PDE6B: variants seen among roughly 807,000 people sequenced by gnomAD.
PDE6B encodes phosphodiesterase 6B.
PDE6B carries 106 observed loss-of-function variants against 109.0 expected under a neutral mutation model. The observed-to-expected ratio is 0.97, with a 90% CI of 0.83 to 1.14. PDE6B has a LOEUF of 1.14. Among genes scored for constraint, PDE6B ranks in the 50% most tolerant of loss-of-function variants. PDE6B has a pLI of 0.00. For synonymous variants in PDE6B, 490 were observed against 471.3 expected (o/e 1.04, Z -0.51); for missense variants, 1,193 against 1,155.6 (o/e 1.03, Z -0.47).
intron 1 of PDE6B, among the ~76,000 whole-genome samples, chr4:631,803 C>G (rs116624466): frequency 1.9e-3 from 278 of 146,536 alleles, no homozygotes; most frequent in African/African-American, 6.8e-3. Flanking sequence ...GTGGGACCAT[C>G]AAAGGGTCAT....
rs745384266 is a variant in PDE6B, at chr4:659,032, C to A, written c.1467+15C>A. On this transcript the variant is annotated intron_variant, in intron 11 of 21. Transcript: ENST00000496514. ...GCGAAATCCTGGTAAGAACCTTGCT[C>A]CCGTCCCTCCCATGGAGGCCGGCCA... 25 of 1,604,920 alleles carry A rather than the reference C, an allele frequency of 1.6e-5. No homozygotes were observed. Among genetic ancestry groups the A allele is most frequent in the Middle Eastern group, 1.7e-4 (1 of 6,046 alleles).
At chr4:634,503 G>A (rs150586182) in intron 1 of PDE6B, among the ~76,000 whole-genome samples, 174 bp from the exon 2 acceptor site, 205 of 152,282 alleles carry the variant, frequency 1.3e-3, no homozygotes, top group Middle Eastern at 3.4e-3. Flanking sequence ...GGAGCCACAG[G>A]GACAGGCCCA....
Position 663,561 on chromosome 4 carries a change from G to A in PDE6B, c.1921-209G>A, listed in dbSNP as rs898910333. On this transcript the variant is annotated intron_variant, in intron 15 of 21. Coordinates refer to ENST00000496514, the MANE Select transcript of PDE6B (RefSeq NM_000283.4). The surrounding 1 kb of genome is among the most constrained non-coding windows in gnomAD (Gnocchi z 4.0). ...CCGGTGGTGACCTCTGAGGCCATCT[G>A]CGTCCCAAGCCGACGATGGAGCCGC... Among the ~76,000 whole-genome samples the A allele has an allele frequency of 3.9e-5, 6 of 152,182 alleles. No individual in the cohort carries two copies. Among genetic ancestry groups the A allele is most frequent in the Non-Finnish European group, 5.9e-5 (4 of 68,030 alleles).
intron 12 of PDE6B, chr4:661,720 CT>C (rs1737123490): frequency 3.7e-6 from 1 of 271,268 alleles, no homozygotes; most frequent in African/African-American, 2.2e-5. Flanking sequence ...CCAGCATTCT[CT>C]TGCCCTGCGG....
At chr4:634,589 C>A in intron 1 of PDE6B, 88 bp from the exon 2 acceptor site, 1 of 1,097,034 alleles carries the variant, frequency 9.1e-7, no homozygotes, top group South Asian at 1.2e-5. Context: ...GGCAGCAGCC[C>A]CCACAGAGCT....
intron 3 of PDE6B, among the ~76,000 whole-genome samples, chr4:637,606 G>C (rs1734752626): frequency 6.6e-6 from 1 of 152,190 alleles, no homozygotes; most frequent in Admixed American, 6.5e-5. Flanking sequence ...AGGGAGCCTG[G>C]TTCCTTCTGT....
At chr4:637,833 T>C (rs897864865) in intron 3 of PDE6B, among the ~76,000 whole-genome samples, 13 of 152,198 alleles carry the variant, frequency 8.5e-5, no homozygotes, top group Non-Finnish European at 1.9e-4. Context: ...CGCGACACAT[T>C]CTGGCTTCTT....
At chr4:645,162 C>T (rs1330788752) in intron 3 of PDE6B, among the ~76,000 whole-genome samples, 1 of 151,934 alleles carries the variant, frequency 6.6e-6, no homozygotes, top group Admixed American at 6.6e-5. Flanking sequence ...TTCTTCATTC[C>T]TTACTTTTAA....
chr4:659,034 C>G lies in PDE6B; in HGVS notation c.1467+17C>G, dbSNP rs771712859. ...GAAATCCTGGTAAGAACCTTGCTCC[C>G]GTCCCTCCCATGGAGGCCGGCCACG... On this transcript the variant is annotated intron_variant, in intron 11 of 21. Transcript: ENST00000496514. 1.9e-6 allele frequency: 3 copies of G among 1,604,108 alleles called. No homozygotes were observed. Among genetic ancestry groups the G allele is most frequent in the East Asian group, 2.2e-5 (1 of 44,832 alleles).
At chr4:653,456 G>A (rs929234466) in intron 3 of PDE6B, 3 of 691,718 alleles carry the variant, frequency 4.3e-6, no homozygotes, top group Non-Finnish European at 6.1e-6. Context: ...GGAGGCCACA[G>A]GCGGCCTGAC....
intron 20 of PDE6B, 95 bp from the exon 21 acceptor site, chr4:667,761 C>T (rs1158096275): frequency 1.5e-6 from 2 of 1,353,624 alleles, no homozygotes; most frequent in Non-Finnish European, 2.1e-6. Flanking sequence ...CCAGGCAGTT[C>T]ATCCCCTACG....
At chr4:654,459 A>ATGCG in intron 5 of PDE6B, 1 of 603,170 alleles carries the variant, frequency 1.7e-6, no homozygotes, top group South Asian at 1.9e-5. Context: ...CACGTGTAGG[A>ATGCG]TGCGTGTGTG....
rs185369475 is a variant in PDE6B at position 639,070 on chromosome 4, G to A, written c.711+3101G>A. Reference sequence around the variant, plus strand: ...AGTCCACCACTGTGATAGGAAACACGTGCAAAGATTTTTACTACAGGTCCT... The same window carrying A: ...AGTCCACCACTGTGATAGGAAACACATGCAAAGATTTTTACTACAGGTCCT... On this transcript the variant is annotated intron_variant, in intron 3 of 21. Coordinates refer to ENST00000496514, the MANE Select transcript of PDE6B (RefSeq NM_000283.4). Among the ~76,000 whole-genome samples, 178 of 152,254 alleles carry A rather than the reference G, an allele frequency of 1.2e-3. 5 individuals are homozygous for A. Among genetic ancestry groups the A allele is most frequent in the Non-Finnish European group, 2.8e-4 (19 of 67,994 alleles).
chr4:648,657 C>T lies in PDE6B; in HGVS notation c.712-5195C>T, dbSNP rs1394777918. Among the ~76,000 whole-genome samples the T allele has an allele frequency of 6.6e-6, 1 of 152,210 alleles. No homozygotes were observed. Among genetic ancestry groups the T allele is most frequent in the Non-Finnish European group, 1.5e-5 (1 of 68,048 alleles). ...CACTCCCATCAGAGCCAACAGAGGC[C>T]GCAGGAAAGCCATGGGTTAGGCCCT... On this transcript the variant is annotated intron_variant, in intron 3 of 21. Coordinates refer to ENST00000496514, the MANE Select transcript of PDE6B (RefSeq NM_000283.4). The surrounding 1 kb of genome is among the most constrained non-coding windows in gnomAD (Gnocchi z 4.5).
rs148980671 is a variant in PDE6B at position 633,506 on chromosome 4, T to C, written c.469-1171T>C. ...TCAACCTTGCTGCAGGGGAAGGGGG[T>C]GGAGGGGAGTTGCGAGGAGTCTGCC... On this transcript the variant is annotated intron_variant, in intron 1 of 21. Transcript: ENST00000496514. The surrounding 1 kb of genome is among the most constrained non-coding windows in gnomAD (Gnocchi z 4.5). 4.0e-3 allele frequency among the ~76,000 whole-genome samples: 613 copies of C among 151,464 alleles called. 3 individuals carry two copies. Among genetic ancestry groups the C allele is most frequent in the African/African-American group, 0.014 (595 of 41,206 alleles).
intron 3 of PDE6B, among the ~76,000 whole-genome samples, chr4:646,117 C>A (rs896279996): frequency 2.6e-5 from 4 of 152,130 alleles, no homozygotes; most frequent in African/African-American, 9.7e-5. Context: ...TGATCTATCT[C>A]ATTCTTCCTG....
intron 3 of PDE6B, among the ~76,000 whole-genome samples, chr4:647,203 G>C (rs1453892814): frequency 1.3e-5 from 2 of 151,938 alleles, no homozygotes; most frequent in African/African-American, 4.8e-5. Context: ...TCCCAACTTC[G>C]TGTCACATCT....
In PDE6B at chr4:636,373, G is replaced by A. The variant is rs571632922; in HGVS notation, c.711+404G>A. ...GGCCCTGACTGAGAGAGGGTGTAGG[G>A]GCAGGTCCGGCCCTGGCTGAGAGAG... On this transcript the variant is annotated intron_variant, in intron 3 of 21. Coordinates refer to ENST00000496514, the MANE Select transcript of PDE6B (RefSeq NM_000283.4). This position sits in a 1 kb window ranked among gnomAD's most constrained non-coding sequence, Gnocchi z 4.5. Among the ~76,000 whole-genome samples, 3 of 152,268 alleles carry A rather than the reference G, an allele frequency of 2.0e-5. No individual in the cohort carries two copies. Among genetic ancestry groups the A allele is most frequent in the South Asian group, 4.1e-4 (2 of 4,826 alleles).
intron 1 of PDE6B, among the ~76,000 whole-genome samples, chr4:632,239 T>A (rs13139089): frequency 0.018 from 2,712 of 151,216 alleles, 34 homozygotes; most frequent in Middle Eastern, 0.031. Context: ...CAGCTGAGAG[T>A]CATGCTGTGT....
Sources: allele counts gnomAD v4.1 joint callset (sites outside exome capture counted in the v4.1 genomes callset), GRCh38; gene constraint gnomAD v4.1.1; non-coding constraint Gnocchi (gnomAD v3.1); transcripts MANE v1.5; gene names NCBI Gene and HGNC (gene_info 2026-07-23, HGNC 2026-07-21).